CYGB: variants seen among roughly 807,000 people sequenced by gnomAD.
CYGB encodes the protein cytoglobin, also known as histoglobin.
Under a neutral mutation model 20.7 loss-of-function variants are expected in CYGB, and 13 were observed. That is an observed-to-expected ratio of 0.63 (90% CI 0.41 to 1.00). The LOEUF is 1.00. Among genes scored for constraint, CYGB ranks in the 50% least tolerant of loss-of-function variants. The pLI is 0.00. For synonymous variants in CYGB, 93 were observed against 107.4 expected (o/e 0.87, Z 0.83); for missense variants, 218 against 257.2 (o/e 0.85, Z 1.04).
At chr17:76,542,930 C>A (rs1209225511) in intron 1 of CYGB, 10 of 561,064 alleles carry the variant, frequency 1.8e-5, no homozygotes, top group Non-Finnish European at 3.5e-5. Context: ...TCGGAGGACG[C>A]CCAAGGGAGA....
intron 1 of CYGB, chr17:76,545,969 C>T (rs1461105369): frequency 1.9e-5 from 3 of 157,938 alleles, no homozygotes; most frequent in Non-Finnish European, 4.2e-5. Flanking sequence ...GGGAAGCCCC[C>T]TGTAAGCCTG....
rs2074935557 is a variant in CYGB at position 76,537,665 on chromosome 17, C to G, written c.-123G>C. On this transcript the variant is annotated 5_prime_UTR_variant, in exon 1 of 4. Coordinates refer to ENST00000293230, the MANE Select transcript of CYGB (RefSeq NM_134268.5). ...CGCGGCGGGCGGGCGAGGGGTAGAG[C>G]GCGGAGGGAGGGAGCGTGTGTCTGT... 1 of 887,978 alleles carries G rather than the reference C, an allele frequency of 1.1e-6. No homozygotes were observed. Among genetic ancestry groups the G allele is most frequent in the Admixed American group, 6.5e-5 (1 of 15,402 alleles). 55.0% of individuals were successfully genotyped at this position (887,978 alleles called of 1,614,324 possible). A position where few individuals can be genotyped will look rare whatever the true frequency, so the allele number is the denominator to read the frequency against.
At position 76,531,666 on chromosome 17, in the gene CYGB, T is replaced by C; in HGVS notation, c.169A>G (p.Lys57Glu). 6.2e-7 allele frequency: 1 copy of C among 1,600,176 alleles called. No homozygotes were observed. Among genetic ancestry groups the C allele is most frequent in the Non-Finnish European group, 8.6e-7 (1 of 1,168,346 alleles). ...VRFFVNFPSA[K>E]QYFSQFKHME... Reference sequence around the variant, plus strand: ...TGCTTGAACTGGCTGAAGTACTGCTTGGCCGAGGGGAAGTTCACAAAGAAC... The same window carrying C: ...TGCTTGAACTGGCTGAAGTACTGCTCGGCCGAGGGGAAGTTCACAAAGAAC... The change falls in exon 2 of 4, where the codon AAG (lysine) becomes GAG (glutamate). Residue 57 changes from lysine to glutamate, a missense_variant. By Grantham distance (56) the Lys-to-Glu change is moderately conservative (BLOSUM62 1). Coordinates refer to ENST00000293230, the MANE Select transcript of CYGB (RefSeq NM_134268.5). The surrounding 1 kb of genome is among the most constrained non-coding windows in gnomAD (Gnocchi z 7.4).
In CYGB at chr17:76,527,904, G is replaced by A; in HGVS notation, c.*674C>T. On this transcript the variant is annotated 3_prime_UTR_variant, in exon 4 of 4. Transcript: ENST00000293230. Reference sequence around the variant, plus strand: ...GCCTGGAAGTGGAATTCAGGAATGTGGGGAGCTGGTCTGAGAAGGGGCTGG... The same window carrying A: ...GCCTGGAAGTGGAATTCAGGAATGTAGGGAGCTGGTCTGAGAAGGGGCTGG... The A allele has an allele frequency of 2.3e-6, 1 of 430,226 alleles. No homozygotes were observed. Among genetic ancestry groups the A allele is most frequent in the South Asian group, 1.6e-5 (1 of 61,470 alleles). The allele number at this position is 430,226 out of a possible 1,614,324, so 26.7% of individuals were successfully genotyped here.
chr17:76,540,256 G>GT (rs759275085), upstream of CYGB: 8 of 1,209,958 alleles, frequency 6.6e-6, no homozygotes, highest in South Asian at 1.3e-5. This position sits in a 1 kb window ranked among gnomAD's most constrained non-coding sequence, Gnocchi z 5.0. Context: ...TTGGTCGGGG[G>GT]GGGGGGGCAT....
At chr17:76,547,667 TCACA>T (rs1232013661) in intron 1 of CYGB, among the ~76,000 whole-genome samples, 1 of 130,562 alleles carries the variant, frequency 7.7e-6, no homozygotes, top group Admixed American at 7.3e-5. Flanking sequence ...ACACACATAT[TCACA>T]CACAGAGACA....
At chr17:76,540,250 T>TGGGGGGGG, upstream of CYGB, 1 of 463,680 alleles carries the variant, frequency 2.2e-6, no homozygotes, top group East Asian at 4.2e-5. The surrounding 1 kb of genome is among the most constrained non-coding windows in gnomAD (Gnocchi z 5.0). Context: ...TGGCGGTTGG[T>TGGGGGGGG]CGGGGGGGGG....
intron 1 of CYGB, chr17:76,547,313 C>T (rs1229074227): frequency 2.6e-5 from 4 of 152,332 alleles, no homozygotes; most frequent in African/African-American, 9.7e-5. Context: ...CAGCCAGGGG[C>T]AGGGCCCTGG....
At position 76,551,055 on chromosome 17, in the gene CYGB, GCA is replaced by G. The variant is rs143479567; in HGVS notation, c.-248_-247del. 9.2e-5 allele frequency: 14 copies of G among 152,348 alleles called. No homozygotes were observed. In the East Asian group the frequency reaches 2.5e-3, roughly 27 times the overall value. The allele number at this position is 152,348 out of a possible 1,614,324, so 9.4% of individuals were successfully genotyped here. A position where few individuals can be genotyped will look rare whatever the true frequency, so the allele number is the denominator to read the frequency against. On this transcript the variant is annotated 5_prime_UTR_variant, in exon 1 of 4. Transcript: ENST00000589145. ...ACTTTCCTCCAAGTCCTCCTGGGTT[GCA>G]GACAATGTGCTAATCCACCTGCCAC...
chr17:76,542,497 G>T, upstream of CYGB: 1 of 1,609,788 alleles, frequency 6.2e-7, no homozygotes, highest in Non-Finnish European at 8.5e-7. Flanking sequence ...AGGAGAGTCA[G>T]AAACATGGGA....
intron 1 of CYGB, chr17:76,543,365 G>A: frequency 2.9e-6 from 1 of 341,392 alleles, no homozygotes; most frequent in South Asian, 2.3e-5. Flanking sequence ...AGCAGCCCAG[G>A]CAAGAGGCAG....
chr17:76,542,746 C>T (rs2075006928), intron 1 of CYGB: 1 of 728,598 alleles, frequency 1.4e-6, no homozygotes. Flanking sequence ...CAGCTCTTGC[C>T]ACTGATGGAG....
intron 3 of CYGB, chr17:76,529,266 A>G: frequency 1.0e-6 from 1 of 985,326 alleles, no homozygotes; most frequent in East Asian, 1.1e-4. Context: ...GGTGGGCTAG[A>G]GGGTGTAAAG....
Position 76,544,411 on chromosome 17 carries a change from G to A in CYGB, c.-53+6451C>T, listed in dbSNP as rs959870562. The A allele has an allele frequency of 1.3e-5, 6 of 454,782 alleles. No homozygotes were observed. In the Admixed American group the frequency reaches 1.4e-4, roughly 11 times the overall value. The allele number at this position is 454,782 out of a possible 1,614,324, so 28.2% of individuals were successfully genotyped here. A position where few individuals can be genotyped will look rare whatever the true frequency, so the allele number is the denominator to read the frequency against. On this transcript the variant is annotated intron_variant, in intron 1 of 3. Coordinates refer to the CYGB transcript ENST00000589145. Reference sequence around the variant, plus strand: ...GAGCAGAGGGAACCGCTGGGGAGGCGCTCAGGGTGGGGGAGGAGGTGCACC... The same window carrying A: ...GAGCAGAGGGAACCGCTGGGGAGGCACTCAGGGTGGGGGAGGAGGTGCACC...
At chr17:76,544,898 G>A (rs751579831) in intron 1 of CYGB, 35 of 456,662 alleles carry the variant, frequency 7.7e-5, no homozygotes, top group African/African-American at 6.4e-4. Flanking sequence ...GCCCCTCCAC[G>A]CCACTGTTCC....
intron 1 of CYGB, chr17:76,545,227 C>T (rs994718453): frequency 1.5e-5 from 7 of 456,666 alleles, no homozygotes; most frequent in Non-Finnish European, 2.6e-5. Flanking sequence ...AGAAAGTTAC[C>T]TCTCTCAGCC....
chr17:76,537,242 C>T (rs1340191337), intron 1 of CYGB, among the ~76,000 whole-genome samples, 158 bp downstream of exon 1: 2 of 152,182 alleles, frequency 1.3e-5, no homozygotes, highest in Non-Finnish European at 2.9e-5. Context: ...TTCGTTCACC[C>T]CAAGGCGCCC....
upstream of CYGB, among the ~76,000 whole-genome samples, chr17:76,539,881 G>A (rs1031819510): frequency 6.6e-5 from 10 of 152,182 alleles, no homozygotes; most frequent in Non-Finnish European, 1.2e-4. Context: ...TCATCAGATC[G>A]AGACTCCGAA....
chr17:76,531,757 AG>A lies in CYGB; in HGVS notation c.144-67del. ...GCCTCGGGCCCACCCTGAAGCTTCC[AG>A]GATAGTGGGGGCTGAAGAAGTGGAC... On this transcript the variant is annotated intron_variant, in intron 1 of 3. Coordinates refer to ENST00000293230, the MANE Select transcript of CYGB (RefSeq NM_134268.5). This position sits in a 1 kb window ranked among gnomAD's most constrained non-coding sequence, Gnocchi z 7.4. 1.4e-6 allele frequency: 2 copies of A among 1,385,444 alleles called. No homozygotes were observed. The highest frequency in any genetic ancestry group is 2.0e-6 in the Non-Finnish European group (2 of 1,009,012). The allele number at this position is 1,385,444 out of a possible 1,614,324, so 85.8% of individuals were successfully genotyped here. A position where few individuals can be genotyped will look rare whatever the true frequency, so the allele number is the denominator to read the frequency against.
Sources: gnomAD v4.1 joint callset for allele counts (sites outside exome capture counted in the v4.1 genomes callset) on GRCh38, gnomAD v4.1.1 for gene constraint, Gnocchi (gnomAD v3.1) non-coding constraint, MANE v1.5 for transcripts, NCBI Gene and HGNC (gene_info 2026-07-23, HGNC 2026-07-21) for gene names.